EPHA6: variants seen among roughly 807,000 people sequenced by gnomAD.
EPHA6 encodes the protein EPH receptor A6, also known as ephrin type-A receptor 6.
A neutral mutation model predicts 112.0 loss-of-function variants in EPHA6; 50 were observed. The ratio of observed to expected loss-of-function variants is 0.45; its 90% CI spans 0.36 to 0.56. The LOEUF (loss-of-function observed/expected upper bound fraction) is 0.56. Ranked by LOEUF, EPHA6 falls within the 20% of genes least tolerant of loss-of-function variation. The pLI, the probability that EPHA6 is intolerant of heterozygous loss-of-function variation, is 0.00. For synonymous variants in EPHA6, 529 were observed against 490.7 expected (o/e 1.08, Z -1.03); for missense variants, 1,280 against 1,417.4 (o/e 0.90, Z 1.56).
intron 5 of EPHA6, among the ~76,000 whole-genome samples, chr3:97,331,736 A>G (rs2082808845): frequency 6.6e-6 from 1 of 152,160 alleles, no homozygotes; most frequent in Non-Finnish European, 1.5e-5. Flanking sequence ...CAGGATCTGA[A>G]ATTGAGGCAA....
At chr3:96,954,954 T>C (rs1387798229) in intron 2 of EPHA6, among the ~76,000 whole-genome samples, 1 of 151,862 alleles carries the variant, frequency 6.6e-6, no homozygotes, top group African/African-American at 2.4e-5. Flanking sequence ...ACATCTAGAA[T>C]GCTATCTGGC....
chr3:96,890,942 C>A (rs112268623), intron 2 of EPHA6, among the ~76,000 whole-genome samples: 1,662 of 152,060 alleles, frequency 0.011, 29 homozygotes, highest in African/African-American at 0.038. Context: ...AAAAAATCAG[C>A]GAGGCATGGT....
chr3:97,131,507 G>T (rs545730290), intron 3 of EPHA6, among the ~76,000 whole-genome samples: 1 of 152,098 alleles, frequency 6.6e-6, no homozygotes, highest in East Asian at 1.9e-4. Context: ...AAACAAGTAA[G>T]TATGAGGTAT....
chr3:97,139,435 T>A (rs973792223), intron 3 of EPHA6, among the ~76,000 whole-genome samples: 1 of 152,056 alleles, frequency 6.6e-6, no homozygotes, highest in African/African-American at 2.4e-5. Flanking sequence ...CTGACAGAAG[T>A]GCAGGGAACA....
At chr3:97,130,767 A>G (rs1321823321) in intron 3 of EPHA6, among the ~76,000 whole-genome samples, 1 of 152,168 alleles carries the variant, frequency 6.6e-6, no homozygotes, top group Non-Finnish European at 1.5e-5. Context: ...TTCTAACAAG[A>G]CTATGCCTAT....
chr3:97,228,524 T>G (rs1246915140), intron 4 of EPHA6, among the ~76,000 whole-genome samples: 1 of 147,426 alleles, frequency 6.8e-6, no homozygotes, highest in Admixed American at 6.7e-5. Flanking sequence ...CATTCTATGG[T>G]GTGTGTGTGT....
chr3:97,697,768 C>A (rs1007863976), intron 14 of EPHA6, among the ~76,000 whole-genome samples: 2 of 152,124 alleles, frequency 1.3e-5, no homozygotes, highest in African/African-American at 4.8e-5. Context: ...TCCCAGCAAT[C>A]ATTTTATGTC....
At chr3:97,122,532 GA>G (rs1345425895) in intron 3 of EPHA6, among the ~76,000 whole-genome samples, 5 of 151,928 alleles carry the variant, frequency 3.3e-5, no homozygotes, top group African/African-American at 1.2e-4. Flanking sequence ...TTAATAGAAA[GA>G]AAAAAACACT....
chr3:97,152,136 A>C (rs1277024772), intron 3 of EPHA6, among the ~76,000 whole-genome samples: 1 of 151,992 alleles, frequency 6.6e-6, no homozygotes, highest in African/African-American at 2.4e-5. Flanking sequence ...CGGGATGCCA[A>C]AAATCAGGCT....
chr3:97,135,167 C>T (rs868509080), intron 3 of EPHA6, among the ~76,000 whole-genome samples: 11 of 152,074 alleles, frequency 7.2e-5, no homozygotes, highest in South Asian at 2.1e-4. Context: ...CAGTTATGCC[C>T]AACAACTAGC....
At chr3:96,981,218 C>A (rs9737978) in intron 2 of EPHA6, among the ~76,000 whole-genome samples, 1 of 152,054 alleles carries the variant, frequency 6.6e-6, no homozygotes, top group Non-Finnish European at 1.5e-5. Flanking sequence ...TTTTGAGATA[C>A]GTCCCATCAG....
chr3:96,959,726 TC>T (rs746715221), intron 2 of EPHA6, among the ~76,000 whole-genome samples: 9 of 151,990 alleles, frequency 5.9e-5, no homozygotes, highest in Non-Finnish European at 1.0e-4. Flanking sequence ...TATCCAGCTG[TC>T]TTGTTTTGTT....
intron 3 of EPHA6, among the ~76,000 whole-genome samples, chr3:97,036,864 T>A (rs1576366874): frequency 6.6e-6 from 1 of 152,012 alleles, no homozygotes; most frequent in East Asian, 1.9e-4. Context: ...GTGCTGATTG[T>A]TGGCTGCTGA....
At chr3:96,911,245 A>G (rs564348926) in intron 2 of EPHA6, among the ~76,000 whole-genome samples, 2 of 152,198 alleles carry the variant, frequency 1.3e-5, no homozygotes, top group South Asian at 2.1e-4. Flanking sequence ...TATTTTATTG[A>G]AAACATATTT....
chr3:97,222,907 T>A (rs1394313190), intron 3 of EPHA6, among the ~76,000 whole-genome samples: 2 of 152,164 alleles, frequency 1.3e-5, no homozygotes, highest in Non-Finnish European at 2.9e-5. Context: ...AGAAACTAAA[T>A]TTGGCCTAAG....
intron 3 of EPHA6, among the ~76,000 whole-genome samples, chr3:97,082,008 A>T (rs1396615751): frequency 6.6e-6 from 1 of 151,714 alleles, no homozygotes; most frequent in Non-Finnish European, 1.5e-5. Flanking sequence ...ATAAGCATAT[A>T]TCATTTTAAA....
Position 96,882,892 on chromosome 3 carries a change from T to C in EPHA6, c.450+16003T>C, listed in dbSNP as rs1483867647. 3.9e-5 allele frequency among the ~76,000 whole-genome samples: 6 copies of C among 152,272 alleles called. No individual in the cohort carries two copies. In the South Asian group the frequency reaches 1.2e-3, roughly 32 times the overall value. On this transcript the variant is annotated intron_variant, in intron 2 of 17. Coordinates refer to ENST00000389672, the MANE Select transcript of EPHA6 (RefSeq NM_001080448.3). ...TGAATTGTGCTGCTATAAACATGCG[T>C]GTGCGAGTATGTTTTTTGAATAATG...
intron 3 of EPHA6, among the ~76,000 whole-genome samples, chr3:97,137,467 A>G (rs140598059): frequency 6.6e-6 from 1 of 152,182 alleles, no homozygotes; most frequent in Non-Finnish European, 1.5e-5. Flanking sequence ...TAAAATGGAT[A>G]TCATAATTGA....
At chr3:97,469,798 A>G (rs2091168435) in intron 7 of EPHA6, among the ~76,000 whole-genome samples, 1 of 151,692 alleles carries the variant, frequency 6.6e-6, no homozygotes, top group Non-Finnish European at 1.5e-5. Context: ...GAATAATTAC[A>G]TCCATATAAC....
Sources: allele counts gnomAD v4.1 joint callset (sites outside exome capture counted in the v4.1 genomes callset), GRCh38; gene constraint gnomAD v4.1.1; transcripts MANE v1.5; gene names NCBI Gene and HGNC (gene_info 2026-07-23, HGNC 2026-07-21).